Variants in DECR1 observed in about 807,000 individuals in gnomAD.
DECR1 encodes the protein 2,4-dienoyl-CoA reductase [(3E)-enoyl-CoA-producing], mitochondrial.
A neutral mutation model predicts 38.8 loss-of-function variants in DECR1; 44 were observed. The observed-to-expected ratio is 1.13, with a 90% confidence interval of 0.89 to 1.46. The LOEUF is 1.46. Among genes scored for constraint, DECR1 ranks in the 40% most tolerant of loss-of-function variants. DECR1 has a pLI of 0.00. For missense variants in DECR1, 428 were observed against 405.5 expected, an observed-to-expected ratio of 1.06 and a Z score of -0.48; for synonymous variants, 148 against 135.2, an observed-to-expected ratio of 1.09 and a Z score of -0.66.
intron 5 of DECR1, among the ~76,000 whole-genome samples, chr8:90,034,850 T>A (rs994936516): frequency 3.3e-5 from 5 of 152,160 alleles, no homozygotes; most frequent in African/African-American, 1.2e-4. Context: ...ACAATCATTT[T>A]AAAAAGAAAT....
chr8:90,052,077 A>T lies in DECR1; in HGVS notation c.*180A>T. ...TTCAAAGATAAATAAAATGAAATAT[A>T]GTCCTTCAAAACATTAAAAAAAAAA... is the stretch of plus-strand genomic sequence containing the variant. On this transcript the variant is annotated 3_prime_UTR_variant, in exon 10 of 10. Coordinates refer to ENST00000220764, the MANE Select transcript of DECR1 (RefSeq NM_001359.2). 3 of 562,964 alleles carry T rather than the reference A, an allele frequency of 5.3e-6. No individual in the cohort carries two copies. The South Asian group carries it at 7.6e-5, about 14-fold the overall frequency. 34.9% of individuals were successfully genotyped at this position (562,964 alleles called of 1,614,324 possible).
At chr8:90,003,456 C>G (rs539504092) in intron 1 of DECR1, among the ~76,000 whole-genome samples, 7 of 152,098 alleles carry the variant, frequency 4.6e-5, no homozygotes, top group Non-Finnish European at 8.8e-5. Flanking sequence ...AAATACGAGC[C>G]CTGCTCTCAA....
At chr8:90,042,339 C>G (rs768594791) in intron 6 of DECR1, 4 of 170,650 alleles carry the variant, frequency 2.3e-5, no homozygotes, top group African/African-American at 9.5e-5. Context: ...GAAGCACTCA[C>G]GTTTTTATGT....
At chr8:90,015,899 T>C (rs1474938823) in intron 1 of DECR1, among the ~76,000 whole-genome samples, 2 of 152,234 alleles carry the variant, frequency 1.3e-5, no homozygotes, top group Non-Finnish European at 2.9e-5. Context: ...TTCTGTACAA[T>C]AGGATAAAAC....
chr8:90,042,917 G>A, intron 7 of DECR1, 117 bp downstream of exon 7: 2 of 840,140 alleles, frequency 2.4e-6, no homozygotes. Context: ...TAGAGCCCTG[G>A]TTCTAGGGAA....
chr8:90,020,662 G>A (rs1199694659), intron 4 of DECR1, among the ~76,000 whole-genome samples: 1 of 152,188 alleles, frequency 6.6e-6, no homozygotes, highest in Non-Finnish European at 1.5e-5. Flanking sequence ...ACTGCACTCA[G>A]CCTTAGTTTT....
intron 7 of DECR1, among the ~76,000 whole-genome samples, chr8:90,044,254 C>T (rs1350387531): frequency 6.6e-6 from 1 of 152,166 alleles, no homozygotes; most frequent in Admixed American, 6.5e-5. Flanking sequence ...AAAACTGCCA[C>T]CTAAACTTCA....
At chr8:90,012,373 G>A (rs1280349769) in intron 1 of DECR1, among the ~76,000 whole-genome samples, 3 of 151,888 alleles carry the variant, frequency 2.0e-5, no homozygotes, top group Admixed American at 1.3e-4. Flanking sequence ...GGTTGGTCTC[G>A]AACTCCTGAT....
In DECR1 at chr8:90,052,228, G is replaced by T; in HGVS notation, c.*331G>T. 4.1e-6 allele frequency: 1 copy of T among 244,704 alleles called. No individual in the cohort carries two copies. Among genetic ancestry groups the T allele is most frequent in the Non-Finnish European group, 7.8e-6 (1 of 127,710 alleles). The allele number at this position is 244,704 out of a possible 1,614,324, so 15.2% of individuals were successfully genotyped here. A position where few individuals can be genotyped will look rare whatever the true frequency, so the allele number is the denominator to read the frequency against. On this transcript the variant is annotated 3_prime_UTR_variant, in exon 10 of 10. Transcript: ENST00000220764. ...AAATCAGGAGAAACTCAATGGTGGCGGTAGCATTTGAGTTACATAATATAC... is the reference window on the plus strand; with the variant it reads ...AAATCAGGAGAAACTCAATGGTGGCTGTAGCATTTGAGTTACATAATATAC...
At chr8:90,017,042 A>C (rs1322233401) in intron 1 of DECR1, 82 bp from the exon 2 acceptor site, 2 of 918,276 alleles carry the variant, frequency 2.2e-6, no homozygotes, top group Non-Finnish European at 3.3e-6. Context: ...GATTACTATT[A>C]AATTCAAGAG....
intron 1 of DECR1, among the ~76,000 whole-genome samples, chr8:90,014,299 C>T (rs76428784): frequency 0.026 from 4,027 of 152,214 alleles, 105 homozygotes; most frequent in South Asian, 0.097. Flanking sequence ...CTTGTAGAAA[C>T]GGGATTGAAT....
At chr8:90,045,092 T>C in intron 8 of DECR1, 97 bp downstream of exon 8, 1 of 1,099,918 alleles carries the variant, frequency 9.1e-7, no homozygotes, top group Non-Finnish European at 1.4e-6. Context: ...TGAATGTAAA[T>C]ATCATTTAAA....
At chr8:90,006,296 G>A in intron 1 of DECR1, 2 of 704,156 alleles carry the variant, frequency 2.8e-6, no homozygotes, top group South Asian at 1.5e-5. Context: ...AGTTTTATGA[G>A]AGTGTTGTTG....
intron 1 of DECR1, chr8:90,005,503 G>A: frequency 2.2e-6 from 1 of 451,780 alleles, no homozygotes. Flanking sequence ...TGGTTTGTGA[G>A]AGGAAGCTGG....
At chr8:90,006,355 A>C (rs1812740276) in intron 1 of DECR1, 2 of 703,496 alleles carry the variant, frequency 2.8e-6, no homozygotes, top group Non-Finnish European at 5.2e-6. Context: ...GGAGTTAGCC[A>C]AAGGGAGAGA....
At chr8:90,046,949 A>G (rs956781227) in intron 8 of DECR1, among the ~76,000 whole-genome samples, 1 of 152,174 alleles carries the variant, frequency 6.6e-6, no homozygotes, top group African/African-American at 2.4e-5. Flanking sequence ...TCATAAGTGA[A>G]GGAGAAATAA....
chr8:90,020,499 C>T lies in DECR1; in HGVS notation c.418-410C>T, dbSNP rs563087981. 3.9e-5 allele frequency among the ~76,000 whole-genome samples: 6 copies of T among 152,222 alleles called. No homozygotes were observed. In the South Asian group the frequency reaches 1.2e-3, roughly 32 times the overall value. ...GACCTCCTGGGTTCAAGCGATACTC[C>T]CACCTCAGCCTCCCAAGTAGCTGGG... On this transcript the variant is annotated intron_variant, in intron 4 of 9. Transcript: ENST00000220764.
intron 1 of DECR1, among the ~76,000 whole-genome samples, chr8:90,010,475 A>G (rs1313559613): frequency 1.3e-5 from 2 of 152,236 alleles, no homozygotes; most frequent in African/African-American, 4.8e-5. Flanking sequence ...ATGGCCTTCT[A>G]GCAATCGGAC....
chr8:90,053,143 G>T lies in DECR1; in HGVS notation c.*1246G>T, dbSNP rs558827104. Among the ~76,000 whole-genome samples, 1 of 151,890 alleles carries T rather than the reference G, an allele frequency of 6.6e-6. No individual in the cohort carries two copies. Among genetic ancestry groups the T allele is most frequent in the Non-Finnish European group, 1.5e-5 (1 of 67,982 alleles). On this transcript the variant is annotated 3_prime_UTR_variant, in exon 10 of 10. Coordinates refer to ENST00000220764, the MANE Select transcript of DECR1 (RefSeq NM_001359.2). ...CAATACAATACTCTCAAAATAAAAC[G>T]CAGACAGGTACCTAGTCTCCATTTT...
Sources: allele counts gnomAD v4.1 joint callset (sites outside exome capture counted in the v4.1 genomes callset), GRCh38; gene constraint gnomAD v4.1.1; transcripts MANE v1.5; gene names NCBI Gene and HGNC (gene_info 2026-07-23, HGNC 2026-07-21).